USP6: variants seen among roughly 807,000 people sequenced by gnomAD.
The protein encoded by USP6 is ubiquitin specific peptidase 6, also known as ubiquitin carboxyl-terminal hydrolase 6.
USP6 carries 128 observed loss-of-function variants against 175.7 expected under a neutral mutation model. That is an observed-to-expected ratio of 0.73 (90% CI 0.63 to 0.84). The LOEUF (loss-of-function observed/expected upper bound fraction) is 0.84. USP6 is among the 40% of genes least tolerant of loss of function. The probability of loss-of-function intolerance (pLI) is 0.00; values close to 1 mark genes in which losing one functional copy is unlikely to be tolerated. For missense variants in USP6, 1,498 were observed against 1,760.3 expected (o/e 0.85, Z 2.67); for synonymous variants, 562 against 630.6 (o/e 0.89, Z 1.63).
At chr17:5,144,904 A>T in intron 26 of USP6, 41 bp downstream of exon 26, 1 of 1,555,964 alleles carries the variant, frequency 6.4e-7, no homozygotes, top group East Asian at 2.3e-5. Context: ...AATAGACAAA[A>T]TGTTCTGACC....
At chr17:5,144,999 C>T (rs4084586) in intron 26 of USP6, 136 bp downstream of exon 26, 770,047 of 1,317,512 alleles carry the variant, frequency 0.58, 239,160 homozygotes, top group Non-Finnish European at 0.65. Flanking sequence ...ATTTCTATTT[C>T]TATGCTTAAT....
chr17:5,141,945 G>A, intron 23 of USP6, 58 bp from the exon 24 acceptor site: 1 of 1,564,078 alleles, frequency 6.4e-7, no homozygotes, highest in Non-Finnish European at 8.6e-7. Context: ...ATAAGTAACT[G>A]TTTGTGCCAT....
Position 5,172,946 on chromosome 17 carries a change from T to C in USP6, c.4189T>C (p.Ser1397Pro). 1 of 1,613,890 alleles carries C rather than the reference T, an allele frequency of 6.2e-7. No individual in the cohort carries two copies. The highest frequency in any genetic ancestry group is 1.1e-5 in the South Asian group (1 of 91,068). The change falls in exon 38 of 38, where the codon TCT becomes CCT. Residue 1397 changes from serine to proline, a missense_variant. Ser to Pro is a moderately conservative substitution (Grantham distance 74). Around this residue, in one of 2 missense-constraint regions of USP6, gnomAD observed 1,217 missense variants for 1,500.8 expected, o/e 0.81. Coordinates refer to ENST00000574788, the MANE Select transcript of USP6 (RefSeq NM_001304284.2). Reference protein sequence around the residue: ...DTSSTDEDSESDYEKYSMLQ With the variant: ...DTSSTDEDSEPDYEKYSMLQ ...AAGCAGTACGGATGAAGACTCTGAG[T>C]CTGATTACGAAAAGTACTCTATGTT...
intron 25 of USP6, among the ~76,000 whole-genome samples, chr17:5,144,205 T>C (rs2073540012): frequency 6.6e-6 from 1 of 152,050 alleles, no homozygotes; most frequent in Non-Finnish European, 1.5e-5. Flanking sequence ...AATGTAATTG[T>C]TGAAGACAAC....
chr17:5,128,225 T>C (rs2072951701), intron 7 of USP6, among the ~76,000 whole-genome samples: 4 of 152,088 alleles, frequency 2.6e-5, no homozygotes, highest in Admixed American at 2.6e-4. Flanking sequence ...CTGAGCCAGG[T>C]TTTAGATAAC....
rs2143673175 is a variant in USP6 at position 5,116,321 on chromosome 17, C to G, written c.-2347C>G. The G allele has an allele frequency of 6.5e-6, 1 of 153,986 alleles. No homozygotes were observed. The allele number at this position is 153,986 out of a possible 1,614,324, so 9.5% of individuals were successfully genotyped here. A position where few individuals can be genotyped will look rare whatever the true frequency, so the allele number is the denominator to read the frequency against. On this transcript the variant is annotated 5_prime_UTR_variant, in exon 1 of 38. Transcript: ENST00000574788. ...ACTCCCGGCCCCGCTCCCGGCGGCC[C>G]GCCTCACCACTCCCGGCTTCCCGGG...
intron 35 of USP6, among the ~76,000 whole-genome samples, chr17:5,169,664 A>G (rs2074171652): frequency 6.6e-6 from 1 of 151,900 alleles, no homozygotes; most frequent in Admixed American, 6.6e-5. Context: ...CTGGGCTCGA[A>G]CTCCTGCACC....
Position 5,135,869 on chromosome 17 carries a change from A to G in USP6, c.605A>G (p.Glu202Gly). The G allele has an allele frequency of 6.3e-7, 1 of 1,599,510 alleles. No individual in the cohort carries two copies. The highest frequency in any genetic ancestry group is 8.5e-7 in the Non-Finnish European group (1 of 1,179,798). Residue 202 changes from glutamate to glycine, a missense_variant, in exon 17 of 38, where the codon GAG becomes GGG. Around this residue, in one of 2 missense-constraint regions of USP6, gnomAD observed 1,217 missense variants for 1,500.8 expected, o/e 0.81. Transcript: ENST00000574788. Reference protein sequence around the residue: ...ITALFLLYLPEEDAFWALVQL... With the variant: ...ITALFLLYLPGEDAFWALVQL... ...GCCTTGTTCCTCCTTTATCTGCCTG[A>G]GGAGGACGCATTCTGGGCACTGGTG...
At chr17:5,171,448 A>T in intron 36 of USP6, 139 bp from the exon 37 acceptor site, 12 of 785,816 alleles carry the variant, frequency 1.5e-5, no homozygotes, top group Non-Finnish European at 2.2e-5. Flanking sequence ...TTTTGGTTTT[A>T]GAGAAAGAGG....
chr17:5,142,651 C>T, intron 25 of USP6, 149 bp downstream of exon 25: 3 of 1,324,650 alleles, frequency 2.3e-6, no homozygotes, highest in Non-Finnish European at 2.0e-6. Context: ...AATTCTTTTG[C>T]TTGTTTAAAT....
chr17:5,127,717 G>A (rs2072935769), intron 7 of USP6, 78 bp downstream of exon 7: 1 of 152,220 alleles, frequency 6.6e-6, no homozygotes, highest in Non-Finnish European at 1.5e-5. Flanking sequence ...ATCCATGGAT[G>A]CTCAAGTCGC....
intron 22 of USP6, 23 bp from the exon 23 acceptor site, chr17:5,141,402 C>G: frequency 6.3e-7 from 1 of 1,577,202 alleles, no homozygotes; most frequent in Admixed American, 1.8e-5. Context: ...AAGAAATTAA[C>G]ACATTCCTAT....
chr17:5,172,759 C>A, intron 37 of USP6, 46 bp from the exon 38 acceptor site: 1 of 1,608,186 alleles, frequency 6.2e-7, no homozygotes, highest in South Asian at 1.1e-5. Flanking sequence ...GATTTAGAGT[C>A]ATAATAGTGA....
At chr17:5,135,333 G>A (rs768356915) in intron 16 of USP6, 51 bp downstream of exon 16, 1 of 1,601,794 alleles carries the variant, frequency 6.2e-7, no homozygotes, top group African/African-American at 1.3e-5. Context: ...ATATTCACAG[G>A]AGTGGGTGTC....
Position 5,167,928 on chromosome 17 carries a change from A to G in USP6, c.3037-4A>G, listed in dbSNP as rs770732644. 3 of 1,609,380 alleles carry G rather than the reference A, an allele frequency of 1.9e-6. No homozygotes were observed. The highest frequency in any genetic ancestry group is 1.1e-5 in the South Asian group (1 of 90,864). Reference sequence around the variant, plus strand: ...CCCTTTCCTCCTGTTCCCTCTACCTACAGGTTGTAGATAAGCATGAGAGTG... The same window carrying G: ...CCCTTTCCTCCTGTTCCCTCTACCTGCAGGTTGTAGATAAGCATGAGAGTG... On this transcript the variant is annotated splice_polypyrimidine_tract_variant and splice_region_variant and intron_variant, in intron 33 of 37. Coordinates refer to ENST00000574788, the MANE Select transcript of USP6 (RefSeq NM_001304284.2).
intron 30 of USP6, among the ~76,000 whole-genome samples, chr17:5,149,796 T>A (rs1310338688): frequency 6.6e-6 from 1 of 152,084 alleles, no homozygotes; most frequent in East Asian, 1.9e-4. Flanking sequence ...GCATTAAAGG[T>A]TGACTCTTTG....
intron 30 of USP6, among the ~76,000 whole-genome samples, chr17:5,153,486 A>C (rs755778534): frequency 6.6e-6 from 1 of 151,152 alleles, no homozygotes. Context: ...GGGTCTCTCT[A>C]TGTTGGTTAG....
intron 35 of USP6, among the ~76,000 whole-genome samples, chr17:5,169,482 C>G (rs575134649): frequency 6.6e-6 from 1 of 152,162 alleles, no homozygotes; most frequent in East Asian, 1.9e-4. Context: ...GTCACCCAGG[C>G]TGGAGTGCAG....
chr17:5,144,813 G>A lies in USP6; in HGVS notation c.1942G>A (p.Val648Met). The A allele has an allele frequency of 6.2e-7, 1 of 1,613,230 alleles. No individual in the cohort carries two copies. The highest frequency in any genetic ancestry group is 8.5e-7 in the Non-Finnish European group (1 of 1,179,302). ...DLNRVHEKPY[V>M]ELKDSDGRPD... ...CAACCGAGTCCATGAAAAGCCATAT[G>A]TGGAACTGAAGGACAGTGATGGCCG... The change falls in exon 26 of 38, where the codon GTG becomes ATG. Residue 648 changes from valine (V) to methionine (M), a missense_variant. Val to Met is a conservative substitution (Grantham distance 21). Coordinates refer to ENST00000574788, the MANE Select transcript of USP6 (RefSeq NM_001304284.2).
Sources: gnomAD v4.1 joint callset for allele counts (sites outside exome capture counted in the v4.1 genomes callset) on GRCh38, gnomAD v4.1.1 for gene constraint, gnomAD v4.1.1 regional missense constraint, MANE v1.5 for transcripts, NCBI Gene and HGNC (gene_info 2026-07-23, HGNC 2026-07-21) for gene names.